Variants in FGGY observed in about 807,000 individuals in gnomAD.
FGGY encodes the protein FGGY carbohydrate kinase domain containing.
In FGGY, 72 loss-of-function variants were observed where a neutral mutation model predicts 71.3. The ratio of observed to expected loss-of-function variants is 1.01; its 90% confidence interval spans 0.84 to 1.23. The LOEUF (loss-of-function observed/expected upper bound fraction) is 1.23, where lower values mean the gene tolerates loss of function less well. Among genes scored for constraint, FGGY ranks in the 50% most tolerant of loss-of-function variants. The pLI, the probability that FGGY is intolerant of heterozygous loss-of-function variation, is 0.00. For missense variants in FGGY, 668 were observed against 682.3 expected, an observed-to-expected ratio of 0.98 and a Z score of 0.23; for synonymous variants, 251 against 250.3, an observed-to-expected ratio of 1.00 and a Z score of -0.02.
intron 14 of FGGY, among the ~76,000 whole-genome samples, chr1:59,752,748 C>G (rs987469028): frequency 5.9e-5 from 9 of 152,194 alleles, no homozygotes; most frequent in African/African-American, 2.2e-4. Context: ...GTTGCCAGTG[C>G]TGCCACAAGA....
chr1:59,360,800 T>A (rs2055349907), intron 4 of FGGY, among the ~76,000 whole-genome samples: 2 of 152,318 alleles, frequency 1.3e-5, no homozygotes, highest in African/African-American at 4.8e-5. Flanking sequence ...TAGGAAATTT[T>A]AAAAATAGTG....
intron 8 of FGGY, among the ~76,000 whole-genome samples, chr1:59,592,109 C>G (rs1353269093): frequency 1.3e-5 from 2 of 152,136 alleles, no homozygotes; most frequent in Non-Finnish European, 2.9e-5. Context: ...GCAACCCCAT[C>G]AAAAAGTGGG....
chr1:59,539,193 C>T (rs568733667), intron 7 of FGGY, among the ~76,000 whole-genome samples: 1 of 152,254 alleles, frequency 6.6e-6, no homozygotes, highest in Non-Finnish European at 1.5e-5. Context: ...GTGACAGTTT[C>T]TTCCCGGTTG....
intron 3 of FGGY, among the ~76,000 whole-genome samples, chr1:59,343,739 A>G (rs149350243): frequency 4.5e-4 from 68 of 151,220 alleles, no homozygotes; most frequent in African/African-American, 1.7e-3. Flanking sequence ...TTTATCTAAA[A>G]CGAAAATTAT....
At chr1:59,687,775 A>G (rs1354393741) in intron 14 of FGGY, among the ~76,000 whole-genome samples, 2 of 151,724 alleles carry the variant, frequency 1.3e-5, no homozygotes, top group Non-Finnish European at 2.9e-5. Context: ...GCTGAAACTA[A>G]TTTCTTATAT....
chr1:59,380,924 G>A (rs1302850365), intron 5 of FGGY, among the ~76,000 whole-genome samples: 1 of 148,602 alleles, frequency 6.7e-6, no homozygotes, highest in Non-Finnish European at 1.5e-5. Context: ...TATGGTTTTA[G>A]TTCTAACATG....
intron 5 of FGGY, among the ~76,000 whole-genome samples, chr1:59,390,478 A>G (rs1270431749): frequency 6.6e-6 from 1 of 152,154 alleles, no homozygotes; most frequent in Non-Finnish European, 1.5e-5. Context: ...ATGTAGCAGG[A>G]AGAAGGAAGT....
chr1:59,421,203 G>A (rs1278947328), intron 5 of FGGY, among the ~76,000 whole-genome samples: 5 of 152,150 alleles, frequency 3.3e-5, no homozygotes, highest in Non-Finnish European at 5.9e-5. Context: ...TGGAACACTC[G>A]TGGTGTGTCA....
chr1:59,339,579 C>T (rs964787288), intron 2 of FGGY, among the ~76,000 whole-genome samples: 3 of 152,060 alleles, frequency 2.0e-5, no homozygotes, highest in Non-Finnish European at 2.9e-5. Flanking sequence ...ATTCTCCTGC[C>T]TCAGCCTCCT....
At chr1:59,535,526 T>C (rs1467388587) in intron 7 of FGGY, among the ~76,000 whole-genome samples, 2 of 152,102 alleles carry the variant, frequency 1.3e-5, no homozygotes, top group African/African-American at 2.4e-5. Context: ...CAACAGAATA[T>C]ACATTTTTTT....
Position 59,593,064 on chromosome 1 carries a change from G to A in FGGY, c.904-14739G>A, listed in dbSNP as rs569069995. Among the ~76,000 whole-genome samples, 31 of 152,354 alleles carry A rather than the reference G, an allele frequency of 2.0e-4. No homozygotes were observed. The East Asian group carries it at 4.8e-3, about 24-fold the overall frequency. On this transcript the variant is annotated intron_variant, in intron 8 of 15. Transcript: ENST00000303721. ...AGAAACCACACATATACACCCTGAT[G>A]CTGATCTAGAGCCCAGTAGCTCCAG...
intron 9 of FGGY, among the ~76,000 whole-genome samples, chr1:59,620,638 T>A (rs1375320146): frequency 1.3e-5 from 2 of 152,162 alleles, no homozygotes; most frequent in African/African-American, 2.4e-5. Context: ...AATTCAATTT[T>A]AAGTTATCTA....
chr1:59,350,486 A>C (rs770526672), intron 4 of FGGY, among the ~76,000 whole-genome samples: 3 of 152,164 alleles, frequency 2.0e-5, no homozygotes, highest in Non-Finnish European at 4.4e-5. Flanking sequence ...GAAGATAGGA[A>C]AGACATTCTG....
chr1:59,562,626 T>C (rs1354602593), intron 8 of FGGY, among the ~76,000 whole-genome samples: 1 of 152,252 alleles, frequency 6.6e-6, no homozygotes, highest in African/African-American at 2.4e-5. Context: ...CCAAAGTCAC[T>C]GTACCAGAAA....
intron 5 of FGGY, among the ~76,000 whole-genome samples, chr1:59,384,245 T>C (rs1228886047): frequency 6.6e-6 from 1 of 152,066 alleles, no homozygotes; most frequent in Non-Finnish European, 1.5e-5. Context: ...CCCGTACTTG[T>C]GAGCACCTTC....
At chr1:59,614,701 G>C (rs1346915148) in intron 9 of FGGY, among the ~76,000 whole-genome samples, 2 of 152,176 alleles carry the variant, frequency 1.3e-5, no homozygotes, top group Admixed American at 1.3e-4. Flanking sequence ...AAAAGAGGAA[G>C]TCAAATTTTT....
chr1:59,714,748 G>A (rs558160491), intron 14 of FGGY, among the ~76,000 whole-genome samples: 1 of 152,266 alleles, frequency 6.6e-6, no homozygotes, highest in Non-Finnish European at 1.5e-5. Flanking sequence ...GAGGAAAAGA[G>A]GAAGAGGAGA....
At chr1:59,358,495 A>ACC in intron 4 of FGGY, among the ~76,000 whole-genome samples, 1 of 151,256 alleles carries the variant, frequency 6.6e-6, no homozygotes, top group East Asian at 1.9e-4. Context: ...CCGCCCTGCC[A>ACC]CCCCCCCGCC....
intron 14 of FGGY, among the ~76,000 whole-genome samples, chr1:59,681,317 T>A (rs2097496273): frequency 6.6e-6 from 1 of 152,204 alleles, no homozygotes; most frequent in African/African-American, 2.4e-5. Flanking sequence ...CAAAACGCAT[T>A]TTCCCAAATA....
Sources: gnomAD v4.1 joint callset for allele counts (sites outside exome capture counted in the v4.1 genomes callset) on GRCh38, gnomAD v4.1.1 for gene constraint, MANE v1.5 for transcripts, NCBI Gene and HGNC (gene_info 2026-07-23, HGNC 2026-07-21) for gene names.